UTRN: variants seen among roughly 807,000 people sequenced by gnomAD.
UTRN encodes the protein dystrophin-related protein 1.
A neutral mutation model predicts 463.9 loss-of-function variants in UTRN; 283 were observed. The observed-to-expected ratio is 0.61, with a 90% CI of 0.55 to 0.67. The LOEUF is 0.67. Ranked by LOEUF, UTRN falls within the 30% of genes least tolerant of loss-of-function variation. The pLI, the probability that UTRN is intolerant of heterozygous loss-of-function variation, is 0.00. For synonymous variants in UTRN, 1,442 were observed against 1,431.5 expected (o/e 1.01, Z -0.17); for missense variants, 3,922 against 4,084.3 (o/e 0.96, Z 1.08).
intron 25 of UTRN, among the ~76,000 whole-genome samples, chr6:144,476,593 A>T (rs1791231232): frequency 6.6e-6 from 1 of 152,170 alleles, no homozygotes; most frequent in Non-Finnish European, 1.5e-5. Context: ...CCATTCTGGA[A>T]GGGTTAAATT....
At chr6:144,391,409 T>G (rs1781911041) in intron 2 of UTRN, among the ~76,000 whole-genome samples, 2 of 152,302 alleles carry the variant, frequency 1.3e-5, no homozygotes, top group South Asian at 2.1e-4. Context: ...CTAGAAGTCT[T>G]ACAAAATGAC....
At chr6:144,676,097 T>A (rs1243202252) in intron 51 of UTRN, among the ~76,000 whole-genome samples, 1 of 152,058 alleles carries the variant, frequency 6.6e-6, no homozygotes, top group African/African-American at 2.4e-5. Context: ...ATAAATAAAT[T>A]ATTGAAATTT....
At chr6:144,358,538 G>A (rs539702018) in intron 2 of UTRN, among the ~76,000 whole-genome samples, 263 of 152,266 alleles carry the variant, frequency 1.7e-3, no homozygotes, top group African/African-American at 6.2e-3. Context: ...ACATTTGGTG[G>A]GGTCCCATGG....
At chr6:144,761,918 AG>A (rs901683146) in intron 58 of UTRN, among the ~76,000 whole-genome samples, 2 of 152,160 alleles carry the variant, frequency 1.3e-5, no homozygotes, top group African/African-American at 4.8e-5. Context: ...ACCATTTCTC[AG>A]TTTGCCACAG....
chr6:144,580,288 G>A (rs979255927), intron 51 of UTRN, among the ~76,000 whole-genome samples: 2 of 152,074 alleles, frequency 1.3e-5, no homozygotes, highest in African/African-American at 2.4e-5. Context: ...AAGGAGCTCC[G>A]TGTATCTTTG....
intron 51 of UTRN, among the ~76,000 whole-genome samples, chr6:144,670,917 T>C (rs1476527975): frequency 1.3e-5 from 2 of 152,202 alleles, no homozygotes; most frequent in Non-Finnish European, 2.9e-5. Flanking sequence ...TATGCTTGTG[T>C]TTGCTTTGTC....
At chr6:144,422,516 C>G (rs1449271951) in intron 4 of UTRN, among the ~76,000 whole-genome samples, 4 of 151,900 alleles carry the variant, frequency 2.6e-5, no homozygotes, top group Non-Finnish European at 5.9e-5. Context: ...ACTCAGGAGG[C>G]TGAGGCCAGG....
intron 51 of UTRN, among the ~76,000 whole-genome samples, chr6:144,600,582 C>G (rs1804142239): frequency 1.3e-5 from 2 of 152,158 alleles, no homozygotes; most frequent in South Asian, 4.1e-4. Context: ...GTTAAGGAAG[C>G]TACAGAAGAA....
chr6:144,717,233 A>G (rs1283273687), intron 53 of UTRN, among the ~76,000 whole-genome samples: 1 of 152,252 alleles, frequency 6.6e-6, no homozygotes, highest in Non-Finnish European at 1.5e-5. Context: ...ATAGAAATTT[A>G]GAAAACAGTT....
In UTRN at chr6:144,444,284, C is replaced by T. The variant is rs1787451056; in HGVS notation, c.1516C>T (p.Leu506Phe). Residue 506 changes from leucine to phenylalanine, a missense_variant, in exon 14 of 75, where the codon CTT (leucine) becomes TTT (phenylalanine). Leu to Phe is a conservative substitution (Grantham distance 22, BLOSUM62 0). This residue lies in a region of UTRN where 2,349 missense variants were observed against 2,303.8 expected (regional missense o/e 1.02). Coordinates refer to ENST00000367545, the MANE Select transcript of UTRN (RefSeq NM_007124.3). ...TAILEDQLQK[L>F]GERWTAVCRW... ...GGATGGTTTCTCCTTTTTCTAGAAACTTGGTGAGCGCTGGACAGCAGTATG... is the reference window on the plus strand; with the variant it reads ...GGATGGTTTCTCCTTTTTCTAGAAATTTGGTGAGCGCTGGACAGCAGTATG... 1 of 1,608,116 alleles carries T rather than the reference C, an allele frequency of 6.2e-7. No individual in the cohort carries two copies. The highest frequency in any genetic ancestry group is 1.1e-5 in the South Asian group (1 of 90,218).
At chr6:144,403,288 C>T (rs768832307) in intron 3 of UTRN, 104 bp downstream of exon 3, 54 of 969,510 alleles carry the variant, frequency 5.6e-5, no homozygotes, top group East Asian at 4.9e-4. Flanking sequence ...GTCACCTAGC[C>T]GAAGTCTTCT....
chr6:144,764,089 C>G (rs1192691991), intron 58 of UTRN, among the ~76,000 whole-genome samples: 1 of 152,092 alleles, frequency 6.6e-6, no homozygotes, highest in East Asian at 1.9e-4. Context: ...TCTGTTTTTA[C>G]TGAAAATAAA....
At chr6:144,829,871 T>C (rs1780520739) in intron 69 of UTRN, among the ~76,000 whole-genome samples, 1 of 152,152 alleles carries the variant, frequency 6.6e-6, no homozygotes, top group Non-Finnish European at 1.5e-5. Context: ...AGATTGCATC[T>C]TAATACTTGA....
chr6:144,497,778 G>C (rs1030393840), intron 33 of UTRN, among the ~76,000 whole-genome samples: 1 of 152,078 alleles, frequency 6.6e-6, no homozygotes, highest in African/African-American at 2.4e-5. Context: ...TGGAAATGTC[G>C]GGTACTCACA....
intron 51 of UTRN, among the ~76,000 whole-genome samples, chr6:144,668,542 A>G (rs143919966): frequency 1.4e-3 from 219 of 152,294 alleles, no homozygotes; most frequent in Non-Finnish European, 2.7e-3. Flanking sequence ...ACAGAAATGT[A>G]TTTCTCTCAG....
Position 144,851,261 on chromosome 6 carries a change from T to C in UTRN, c.*264T>C, listed in dbSNP as rs1481359269. Reference sequence around the variant, plus strand: ...TAATGAACAGAGAGGTATTTGGAAATGGTAATACATTTGTCACGGATTTGT... The same window carrying C: ...TAATGAACAGAGAGGTATTTGGAAACGGTAATACATTTGTCACGGATTTGT... On this transcript the variant is annotated 3_prime_UTR_variant, in exon 75 of 75. Transcript: ENST00000367545. 7 of 522,682 alleles carry C rather than the reference T, an allele frequency of 1.3e-5. No homozygotes were observed. In the East Asian group the frequency reaches 1.6e-4, roughly 12 times the overall value. The allele number at this position is 522,682 out of a possible 1,614,324, so 32.4% of individuals were successfully genotyped here.
chr6:144,810,527 A>C (rs1003062517), intron 65 of UTRN, among the ~76,000 whole-genome samples: 1 of 152,178 alleles, frequency 6.6e-6, no homozygotes, highest in African/African-American at 2.4e-5. Flanking sequence ...CTGTATGCAT[A>C]TAGTGAGGTA....
At chr6:144,461,588 C>G (rs1400701278) in intron 22 of UTRN, among the ~76,000 whole-genome samples, 1 of 152,212 alleles carries the variant, frequency 6.6e-6, no homozygotes, top group Non-Finnish European at 1.5e-5. Flanking sequence ...AAATTCTCAA[C>G]CTGTTCATAA....
chr6:144,385,828 C>A (rs1248853930), intron 2 of UTRN, among the ~76,000 whole-genome samples: 1 of 151,982 alleles, frequency 6.6e-6, no homozygotes, highest in Non-Finnish European at 1.5e-5. Context: ...CCTGCCTCAA[C>A]CTCCTGAGTA....
Sources: gnomAD v4.1 joint callset for allele counts (sites outside exome capture counted in the v4.1 genomes callset) on GRCh38, gnomAD v4.1.1 for gene constraint, gnomAD v4.1.1 regional missense constraint, MANE v1.5 for transcripts, NCBI Gene and HGNC (gene_info 2026-07-23, HGNC 2026-07-21) for gene names.